FBN2: variants seen among roughly 807,000 people sequenced by gnomAD.
FBN2 encodes the protein fibrillin 2, also known as fibrillin-2.
FBN2 carries 105 observed loss-of-function variants against 355.6 expected under a neutral mutation model. The observed-to-expected ratio is 0.30, with a 90% CI of 0.25 to 0.35. The LOEUF is 0.35. Among genes scored for constraint, FBN2 ranks in the 10% least tolerant of loss-of-function variants. FBN2 has a pLI of 1.00. For synonymous variants in FBN2, 1,350 were observed against 1,301.2 expected (o/e 1.04, Z -0.81); for missense variants, 3,280 against 3,758.7 (o/e 0.87, Z 3.33).
intron 6 of FBN2, among the ~76,000 whole-genome samples, chr5:128,449,885 T>C (rs903167806): frequency 2.2e-4 from 34 of 152,086 alleles, no homozygotes; most frequent in Admixed American, 1.0e-3. Flanking sequence ...AATGGCTATG[T>C]TAATACTATA....
At chr5:128,490,391 GCAAAGCGAA>G (rs1755467861) in intron 5 of FBN2, among the ~76,000 whole-genome samples, 1 of 152,146 alleles carries the variant, frequency 6.6e-6, no homozygotes, top group South Asian at 2.1e-4. Flanking sequence ...CACAGCAAGT[GCAAAGCGAA>G]CAAAGATAAT....
In FBN2 at chr5:128,361,384, G is replaced by A. The variant is rs138578312; in HGVS notation, c.2554+339C>T. 1.4e-3 allele frequency among the ~76,000 whole-genome samples: 220 copies of A among 152,276 alleles called. 1 individual carries two copies. The highest frequency in any genetic ancestry group is 5.0e-3 in the African/African-American group (209 of 41,556). ...GGTTCCTACATTAATGGATCATAGT[G>A]GTTCTGAAAAGAGGAAAACACAGTA... On this transcript the variant is annotated intron_variant, in intron 19 of 64. Transcript: ENST00000262464.
intron 5 of FBN2, among the ~76,000 whole-genome samples, chr5:128,492,275 G>A (rs1755527306): frequency 6.6e-6 from 1 of 152,130 alleles, no homozygotes; most frequent in Admixed American, 6.5e-5. Flanking sequence ...CATTAAAAGA[G>A]GGTAAACACC....
intron 11 of FBN2, among the ~76,000 whole-genome samples, chr5:128,388,919 C>G (rs555816276): frequency 6.6e-6 from 1 of 152,220 alleles, no homozygotes; most frequent in South Asian, 2.1e-4. Context: ...TGGGCAATAT[C>G]TTCAAATATG....
In FBN2 at chr5:128,332,902, G is replaced by T. The variant is rs376700480; in HGVS notation, c.4222+10C>A. On this transcript the variant is annotated intron_variant, in intron 32 of 64. Coordinates refer to ENST00000262464, the MANE Select transcript of FBN2 (RefSeq NM_001999.4). ...GCCTTAGCAAAGGATATTTACATTT[G>T]CAAACTCACCAATACACTTGATGCC... 30 of 1,613,400 alleles carry T rather than the reference G, an allele frequency of 1.9e-5. No homozygotes were observed. The highest frequency in any genetic ancestry group is 2.4e-5 in the Non-Finnish European group (28 of 1,179,522).
intron 5 of FBN2, among the ~76,000 whole-genome samples, chr5:128,489,026 T>C (rs1230971056): frequency 2.6e-5 from 4 of 152,114 alleles, no homozygotes; most frequent in African/African-American, 4.8e-5. Flanking sequence ...AGTAATGGGA[T>C]GGCTGGGTCA....
intron 36 of FBN2, among the ~76,000 whole-genome samples, chr5:128,315,619 T>C (rs1561766587): frequency 6.6e-6 from 1 of 152,360 alleles, no homozygotes; most frequent in East Asian, 1.9e-4. Context: ...ATCTAATGAC[T>C]GTATTTCTAC....
chr5:128,465,223 A>G (rs1213493435), intron 5 of FBN2, among the ~76,000 whole-genome samples: 1 of 152,200 alleles, frequency 6.6e-6, no homozygotes, highest in African/African-American at 2.4e-5. Context: ...CCAACATTGT[A>G]AACTTGGGAA....
In FBN2 at chr5:128,345,446, G is replaced by A; in HGVS notation, c.3128C>T (p.Pro1043Leu). The A allele has an allele frequency of 6.2e-7, 1 of 1,614,130 alleles. No homozygotes were observed. Among genetic ancestry groups the A allele is most frequent in the Non-Finnish European group, 8.5e-7 (1 of 1,180,016 alleles). ...CAGCGTCTCGTATTCCTTGGTGCCA[G>A]GTTTGGGGCACTCCTCACACTCGGT... ...WGTECEECPK[P>L]GTKEYETLCP... is the part of the protein sequence containing the mutation. The change falls in exon 24 of 65, where the codon CCT (proline) becomes CTT (leucine). Residue 1043 changes from proline (P) to leucine (L), a missense_variant. Transcript: ENST00000262464.
At chr5:128,469,269 G>A (rs1184435774) in intron 5 of FBN2, among the ~76,000 whole-genome samples, 2 of 152,186 alleles carry the variant, frequency 1.3e-5, no homozygotes, top group Non-Finnish European at 2.9e-5. Flanking sequence ...TGCACCTAGG[G>A]TAGTGTGTGG....
intron 16 of FBN2, among the ~76,000 whole-genome samples, chr5:128,368,773 G>T (rs1219062420): frequency 2.0e-5 from 3 of 151,926 alleles, no homozygotes; most frequent in African/African-American, 7.2e-5. Flanking sequence ...GGGCTCAAGT[G>T]ATCCCTTGCA....
chr5:128,523,798 G>T (rs11957796), intron 4 of FBN2, among the ~76,000 whole-genome samples: 1 of 151,430 alleles, frequency 6.6e-6, no homozygotes, highest in Non-Finnish European at 1.5e-5. Flanking sequence ...TATCCACCAC[G>T]CCTGGTCCAT....
In FBN2 at chr5:128,537,310, C is replaced by A. The variant is rs1482385845; in HGVS notation, c.254+40G>T. On this transcript the variant is annotated intron_variant, in intron 1 of 64. Transcript: ENST00000262464. ...CCAAACTGAGGATTCCCCCCTCCCC[C>A]AAGCCGGAGCCCTAGGTGCGGAGCC... The A allele has an allele frequency of 3.1e-6, 5 of 1,605,804 alleles. No individual in the cohort carries two copies. In the Admixed American group the frequency reaches 5.0e-5, roughly 16 times the overall value.
intron 34 of FBN2, among the ~76,000 whole-genome samples, chr5:128,322,749 G>A (rs1473041885): frequency 6.6e-6 from 1 of 152,052 alleles, no homozygotes; most frequent in Non-Finnish European, 1.5e-5. Flanking sequence ...TTTTGCTTAG[G>A]ATTATCTGGC....
At chr5:128,536,516 T>G in intron 1 of FBN2, 32 bp from the exon 2 acceptor site, 1 of 1,529,750 alleles carries the variant, frequency 6.5e-7, no homozygotes, top group Non-Finnish European at 9.0e-7. Flanking sequence ...ACGTAACAGA[T>G]AGGTAGAGGG....
intron 5 of FBN2, among the ~76,000 whole-genome samples, chr5:128,481,984 C>G (rs540739369): frequency 3.9e-5 from 6 of 152,194 alleles, no homozygotes; most frequent in African/African-American, 1.4e-4. Flanking sequence ...ATTTTGGGGG[C>G]AAACTAAACT....
chr5:128,427,793 C>T (rs565845715), intron 7 of FBN2, among the ~76,000 whole-genome samples: 14 of 152,248 alleles, frequency 9.2e-5, no homozygotes, highest in East Asian at 1.9e-4. Context: ...GTCTGAAGCA[C>T]GAGCTGCCTG....
chr5:128,391,508 T>C (rs1752509062), intron 11 of FBN2, among the ~76,000 whole-genome samples: 1 of 152,186 alleles, frequency 6.6e-6, no homozygotes, highest in Admixed American at 6.5e-5. Context: ...AATAAATCAA[T>C]AAATGTCTTA....
intron 5 of FBN2, among the ~76,000 whole-genome samples, chr5:128,503,599 T>G (rs1426747233): frequency 6.6e-6 from 1 of 152,162 alleles, no homozygotes; most frequent in Non-Finnish European, 1.5e-5. Context: ...TGGCAGCATT[T>G]TGCCCCTGTC....
Sources: gnomAD v4.1 joint callset for allele counts (sites outside exome capture counted in the v4.1 genomes callset) on GRCh38, gnomAD v4.1.1 for gene constraint, MANE v1.5 for transcripts, NCBI Gene and HGNC (gene_info 2026-07-23, HGNC 2026-07-21) for gene names.